The following MGMT variants were observed in gnomAD, a reference collection of about 807,000 sequenced individuals.
MGMT encodes methylated-DNA--protein-cysteine methyltransferase.
A neutral mutation model predicts 15.9 loss-of-function variants in MGMT; 14 were observed. The observed-to-expected ratio is 0.88, with a 90% CI of 0.58 to 1.37. The LOEUF is 1.37. Among genes scored for constraint, MGMT ranks in the 40% most tolerant of loss-of-function variants. The pLI, the probability that MGMT is intolerant of heterozygous loss-of-function variation, is 0.00. For synonymous variants in MGMT, 130 were observed against 118.2 expected, an observed-to-expected ratio of 1.10 and a Z score of -0.65; for missense variants, 282 against 268.1, an observed-to-expected ratio of 1.05 and a Z score of -0.36.
chr10:129,629,704 A>G (rs1239771427), intron 2 of MGMT, among the ~76,000 whole-genome samples: 1 of 152,196 alleles, frequency 6.6e-6, no homozygotes, highest in Non-Finnish European at 1.5e-5. Flanking sequence ...TTGCTCACAG[A>G]TAAAACACAT....
chr10:129,532,616 G>A lies in MGMT; in HGVS notation c.-12-3625G>A, dbSNP rs1564844424. On this transcript the variant is annotated intron_variant, in intron 1 of 4. Transcript: ENST00000651593. This position sits in a 1 kb window ranked among gnomAD's most constrained non-coding sequence, Gnocchi z 5.3. ...GGCTCCTACCTTTCTCCCTGGCCCTGTCTCTGCACACTCCAATGTCTTCCC... is the reference window on the plus strand; with the variant it reads ...GGCTCCTACCTTTCTCCCTGGCCCTATCTCTGCACACTCCAATGTCTTCCC... Among the ~76,000 whole-genome samples the A allele has an allele frequency of 6.6e-6, 1 of 152,040 alleles. No homozygotes were observed. Among genetic ancestry groups the A allele is most frequent in the East Asian group, 1.9e-4 (1 of 5,142 alleles).
At chr10:129,764,690 A>C (rs952782996) in intron 4 of MGMT, among the ~76,000 whole-genome samples, 2 of 152,222 alleles carry the variant, frequency 1.3e-5, no homozygotes, top group East Asian at 1.9e-4. Context: ...GGAGAGAAAA[A>C]GAAGAGTGGA....
At chr10:129,476,823 A>G (rs889292698) in intron 1 of MGMT, among the ~76,000 whole-genome samples, 3 of 152,108 alleles carry the variant, frequency 2.0e-5, no homozygotes, top group Non-Finnish European at 1.5e-5. Context: ...TATCTTTAAG[A>G]CACCTGGGAA....
At chr10:129,748,559 T>A (rs1848720167) in intron 3 of MGMT, among the ~76,000 whole-genome samples, 1 of 152,164 alleles carries the variant, frequency 6.6e-6, no homozygotes, top group South Asian at 2.1e-4. Flanking sequence ...ATAAAATGCA[T>A]GAGAAACCAT....
chr10:129,755,555 C>T (rs1057413173), intron 3 of MGMT, among the ~76,000 whole-genome samples: 46 of 152,296 alleles, frequency 3.0e-4, no homozygotes, highest in African/African-American at 9.9e-4. Context: ...GATGCCCCTT[C>T]CCCCCAGGAA....
chr10:129,717,275 A>G (rs890191955), intron 3 of MGMT, among the ~76,000 whole-genome samples: 2 of 152,198 alleles, frequency 1.3e-5, no homozygotes, highest in African/African-American at 2.4e-5. Flanking sequence ...GTTTTAATTA[A>G]ATTTCAGAAT....
chr10:129,478,052 C>T (rs2119628525), intron 1 of MGMT, among the ~76,000 whole-genome samples: 1 of 152,264 alleles, frequency 6.6e-6, no homozygotes. Flanking sequence ...ACAGGAGACT[C>T]CAGAAGCCAG....
chr10:129,486,927 T>G (rs80175864), intron 1 of MGMT, among the ~76,000 whole-genome samples: 4,803 of 152,310 alleles, frequency 0.032, 119 homozygotes, highest in South Asian at 0.066. Flanking sequence ...AGTCAGGACT[T>G]TAATCAGTTA....
At chr10:129,595,964 T>C (rs752499104) in intron 2 of MGMT, among the ~76,000 whole-genome samples, 17 of 152,100 alleles carry the variant, frequency 1.1e-4, no homozygotes, top group Admixed American at 7.9e-4. Context: ...AAGACATACC[T>C]GTTTATAGAA....
chr10:129,691,467 G>A (rs1263121367), intron 2 of MGMT, among the ~76,000 whole-genome samples: 4 of 152,252 alleles, frequency 2.6e-5, no homozygotes, highest in South Asian at 2.1e-4. Context: ...CAGGCATCGC[G>A]AGTAAGAAGA....
intron 3 of MGMT, among the ~76,000 whole-genome samples, chr10:129,710,400 C>T (rs1371376703): frequency 6.6e-6 from 1 of 152,204 alleles, no homozygotes; most frequent in Non-Finnish European, 1.5e-5. Flanking sequence ...GTGCTGAGCT[C>T]AGGGCCTTCT....
intron 2 of MGMT, among the ~76,000 whole-genome samples, chr10:129,685,565 C>G (rs908680411): frequency 2.6e-5 from 4 of 152,212 alleles, no homozygotes; most frequent in African/African-American, 9.7e-5. Context: ...AGCCCCACTT[C>G]TCTTATTCAC....
At chr10:129,728,141 G>T (rs777350380) in intron 3 of MGMT, among the ~76,000 whole-genome samples, 1 of 152,180 alleles carries the variant, frequency 6.6e-6, no homozygotes, top group Non-Finnish European at 1.5e-5. Context: ...GAGGGGACAT[G>T]GAGCCAGCAC....
chr10:129,583,503 G>A lies in MGMT; in HGVS notation c.125+47126G>A, dbSNP rs991214451. 2.0e-5 allele frequency among the ~76,000 whole-genome samples: 3 copies of A among 152,340 alleles called. No individual in the cohort carries two copies. In the East Asian group the frequency reaches 5.8e-4, roughly 29 times the overall value. On this transcript the variant is annotated intron_variant, in intron 2 of 4. Transcript: ENST00000651593. ...CTTTTGTAGTTTAAGGTAGAAGATA[G>A]TGAGGCTGACTTCCTTCCTTATCCC... is the stretch of plus-strand genomic sequence containing the variant.
chr10:129,568,005 A>G (rs1846375389), intron 2 of MGMT, among the ~76,000 whole-genome samples: 1 of 152,244 alleles, frequency 6.6e-6, no homozygotes, highest in African/African-American at 2.4e-5. Flanking sequence ...TTTATAAGAT[A>G]TTAGGCAGTG....
At chr10:129,744,989 A>G (rs577713618) in intron 3 of MGMT, among the ~76,000 whole-genome samples, 26 of 152,286 alleles carry the variant, frequency 1.7e-4, no homozygotes, top group African/African-American at 6.0e-4. Flanking sequence ...GTGTTGGGAT[A>G]GAGCCCCGGG....
At chr10:129,665,356 G>T (rs1847647688) in intron 2 of MGMT, among the ~76,000 whole-genome samples, 1 of 150,660 alleles carries the variant, frequency 6.6e-6, no homozygotes, top group African/African-American at 2.4e-5. Flanking sequence ...GTCTCCCCAA[G>T]CCTTAAACAG....
chr10:129,554,718 A>C (rs1846193855), intron 2 of MGMT, among the ~76,000 whole-genome samples: 1 of 152,094 alleles, frequency 6.6e-6, no homozygotes, highest in Non-Finnish European at 1.5e-5. Flanking sequence ...ACTGTTTTTA[A>C]GATAAGAAAG....
At chr10:129,539,944 T>C (rs1250620209) in intron 2 of MGMT, among the ~76,000 whole-genome samples, 1 of 152,264 alleles carries the variant, frequency 6.6e-6, no homozygotes, top group African/African-American at 2.4e-5. Context: ...AATGATTCTT[T>C]TTTGGATTTC....
Sources: allele counts gnomAD v4.1 joint callset (sites outside exome capture counted in the v4.1 genomes callset), GRCh38; gene constraint gnomAD v4.1.1; non-coding constraint Gnocchi (gnomAD v3.1); transcripts MANE v1.5; gene names NCBI Gene and HGNC (gene_info 2026-07-23, HGNC 2026-07-21).